PCMTD1: variants seen among roughly 807,000 people sequenced by gnomAD.
The protein encoded by PCMTD1 is protein-L-isoaspartate (D-aspartate) O-methyltransferase domain containing 1.
Under a neutral mutation model 37.6 loss-of-function variants are expected in PCMTD1, and 12 were observed. The ratio of observed to expected loss-of-function variants is 0.32; its 90% CI spans 0.20 to 0.52. The LOEUF (loss-of-function observed/expected upper bound fraction) is 0.52. PCMTD1 is among the 20% of genes least tolerant of loss of function. The probability of loss-of-function intolerance (pLI) is 0.97; values close to 1 mark genes in which losing one functional copy is unlikely to be tolerated. For missense variants in PCMTD1, 235 were observed against 421.3 expected (o/e 0.56, Z 3.87); for synonymous variants, 117 against 135.8 (o/e 0.86, Z 0.96).
rs143642404 is a variant in PCMTD1, at chr8:51,856,925, T to C, written c.307+3920A>G. On this transcript the variant is annotated intron_variant, in intron 2 of 5. Transcript: ENST00000522514. ...ACATTGGCAGTATCCTCAAACTGGA[T>C]TGAAAATCACTGAATTGTACTCTTA... is the stretch of plus-strand genomic sequence containing the variant. 1.4e-4 allele frequency among the ~76,000 whole-genome samples: 22 copies of C among 152,318 alleles called. 1 individual carries two copies. The highest frequency in any genetic ancestry group is 1.3e-3 in the East Asian group (7 of 5,188).
At chr8:51,849,765 G>A (rs1418138849) in intron 2 of PCMTD1, 1 of 299,366 alleles carries the variant, frequency 3.3e-6, no homozygotes, top group African/African-American at 2.1e-5. Context: ...ACCCAAGCTT[G>A]CACATAAAAG....
intron 1 of PCMTD1, among the ~76,000 whole-genome samples, chr8:51,863,184 T>C (rs1375834032): frequency 1.3e-5 from 2 of 152,204 alleles, no homozygotes; most frequent in African/African-American, 4.8e-5. Flanking sequence ...AAGGATTTCA[T>C]AAGAATAATT....
chr8:51,833,774 T>A, intron 3 of PCMTD1, 85 bp from the exon 4 acceptor site: 1 of 961,882 alleles, frequency 1.0e-6, no homozygotes, highest in Non-Finnish European at 1.5e-6. Context: ...TTTGAAATAA[T>A]GACGTTACCC....
In PCMTD1 at chr8:51,886,797, C is replaced by T. The variant is rs150150409; in HGVS notation, c.-96+12133G>A. ...TTAGCATAAACCTAATGGCTTAAAA[C>T]CACACAAGTTTATTATCTGATAGTT... On this transcript the variant is annotated intron_variant, in intron 1 of 5. Transcript: ENST00000522514. Among the ~76,000 whole-genome samples, 20 of 152,280 alleles carry T rather than the reference C, an allele frequency of 1.3e-4. No homozygotes were observed. The East Asian group carries it at 3.7e-3, about 28-fold the overall frequency.
intron 2 of PCMTD1, chr8:51,849,102 A>G (rs1235985945): frequency 6.6e-6 from 1 of 152,180 alleles, no homozygotes; most frequent in Non-Finnish European, 1.5e-5. Flanking sequence ...AGAAAACTGA[A>G]AAAGCATACA....
chr8:51,878,826 A>G (rs771583055), intron 1 of PCMTD1, among the ~76,000 whole-genome samples: 1 of 150,984 alleles, frequency 6.6e-6, no homozygotes, highest in Non-Finnish European at 1.5e-5. Flanking sequence ...AACAGATGAA[A>G]GACAATTTGA....
At position 51,818,013 on chromosome 8, in the gene PCMTD1, T is replaced by G. The variant is rs1387155254; in HGVS notation, c.*2338A>C. 1 of 449,462 alleles carries G rather than the reference T, an allele frequency of 2.2e-6. No homozygotes were observed. The highest frequency in any genetic ancestry group is 4.5e-6 in the Non-Finnish European group (1 of 222,952). 27.8% of individuals were successfully genotyped at this position (449,462 alleles called of 1,614,324 possible). ...TACTATATTCCCCATCATTTTCACT[T>G]ACTTTTACTTAATCTTTATTTGCTA... On this transcript the variant is annotated 3_prime_UTR_variant, in exon 6 of 6. Coordinates refer to ENST00000522514, the MANE Select transcript of PCMTD1 (RefSeq NM_052937.4).
At chr8:51,845,561 C>G in intron 3 of PCMTD1, 100 bp downstream of exon 3, 1 of 749,062 alleles carries the variant, frequency 1.3e-6, no homozygotes. Flanking sequence ...TTGCTGCATT[C>G]AATTGAGCCA....
chr8:51,821,137 T>C (rs1019111211), intron 5 of PCMTD1, among the ~76,000 whole-genome samples: 1 of 152,202 alleles, frequency 6.6e-6, no homozygotes, highest in African/African-American at 2.4e-5. Flanking sequence ...CCATCCCCTA[T>C]GAAGTTTTTG....
chr8:51,846,352 A>T (rs545310869), intron 2 of PCMTD1, among the ~76,000 whole-genome samples: 1 of 152,248 alleles, frequency 6.6e-6, no homozygotes, highest in African/African-American at 2.4e-5. Context: ...GCATATGCCC[A>T]TGGACGGACT....
At chr8:51,882,670 C>G (rs1347407042) in intron 1 of PCMTD1, among the ~76,000 whole-genome samples, 1 of 151,954 alleles carries the variant, frequency 6.6e-6, no homozygotes, top group Non-Finnish European at 1.5e-5. Context: ...TATTTAAGAT[C>G]ATGAAAAGAA....
upstream of PCMTD1, chr8:51,899,126 G>A (rs989006377): frequency 8.6e-6 from 12 of 1,395,228 alleles, no homozygotes; most frequent in South Asian, 1.0e-4. Flanking sequence ...AGAGAACCAC[G>A]GGCACAGGGG....
intron 1 of PCMTD1, among the ~76,000 whole-genome samples, chr8:51,881,968 G>C (rs1385432491): frequency 2.0e-5 from 3 of 152,146 alleles, no homozygotes; most frequent in Non-Finnish European, 4.4e-5. Flanking sequence ...TACCTAGAAA[G>C]TTCTCCCTGT....
At chr8:51,898,795 C>T in intron 1 of PCMTD1, 135 bp downstream of exon 1, 2 of 864,782 alleles carry the variant, frequency 2.3e-6, no homozygotes, top group Non-Finnish European at 3.0e-6. Context: ...GCCCTTAAGT[C>T]CCCCTGCCCC....
At chr8:51,882,988 T>A (rs573086809) in intron 1 of PCMTD1, among the ~76,000 whole-genome samples, 2,022 of 100,164 alleles carry the variant, frequency 0.02, 33 homozygotes, top group Middle Eastern at 0.067. Context: ...AAAAAAAAAA[T>A]TAGCCAGGCG....
At chr8:51,833,378 C>G (rs1427393239) in intron 4 of PCMTD1, 140 bp downstream of exon 4, 3 of 552,260 alleles carry the variant, frequency 5.4e-6, no homozygotes, top group South Asian at 3.0e-5. Flanking sequence ...CAAGTTTTTT[C>G]TAAACAAATA....
At chr8:51,854,323 G>T (rs939257817) in intron 2 of PCMTD1, among the ~76,000 whole-genome samples, 3 of 151,968 alleles carry the variant, frequency 2.0e-5, no homozygotes, top group Admixed American at 6.6e-5. Context: ...AGCAATAAAA[G>T]AGGTGGTTGT....
chr8:51,889,192 T>C (rs1446733678), intron 1 of PCMTD1, among the ~76,000 whole-genome samples: 2 of 152,194 alleles, frequency 1.3e-5, no homozygotes, highest in African/African-American at 4.8e-5. Context: ...AAAACGGATA[T>C]TGCTTCTAGG....
chr8:51,817,784 T>C lies in PCMTD1; in HGVS notation c.*2567A>G, dbSNP rs1169964954. 2 of 455,658 alleles carry C rather than the reference T, an allele frequency of 4.4e-6. No homozygotes were observed. The highest frequency in any genetic ancestry group is 4.0e-5 in the African/African-American group (2 of 50,060). The allele number at this position is 455,658 out of a possible 1,614,324, so 28.2% of individuals were successfully genotyped here. On this transcript the variant is annotated 3_prime_UTR_variant, in exon 6 of 6. Transcript: ENST00000522514. The stretch of plus-strand genomic sequence containing the variant: ...TATATTGACCAATAAGCAGTATAGA[T>C]TTAAATTATCTTCTTGGGTTGGTCT...
Sources: allele counts gnomAD v4.1 joint callset (sites outside exome capture counted in the v4.1 genomes callset), GRCh38; gene constraint gnomAD v4.1.1; transcripts MANE v1.5; gene names NCBI Gene and HGNC (gene_info 2026-07-23, HGNC 2026-07-21).